Variants in THUMPD1 observed in about 807,000 individuals in gnomAD.
The protein encoded by THUMPD1 is THUMP domain 1 NAT10 acetyltransferase adaptor, also known as THUMP domain-containing protein 1.
A neutral mutation model predicts 31.6 loss-of-function variants in THUMPD1; 31 were observed. That is an observed-to-expected ratio of 0.98 (90% CI 0.74 to 1.32). The LOEUF (loss-of-function observed/expected upper bound fraction) is 1.32, where lower values mean the gene tolerates loss of function less well. Ranked by LOEUF, THUMPD1 falls within the 40% of genes most tolerant of loss-of-function variation. The probability of loss-of-function intolerance (pLI) is 0.00; values close to 1 mark genes in which losing one functional copy is unlikely to be tolerated. For missense variants in THUMPD1, 446 were observed against 427.8 expected, an observed-to-expected ratio of 1.04 and a Z score of -0.38; for synonymous variants, 166 against 158.2, an observed-to-expected ratio of 1.05 and a Z score of -0.37.
Position 20,734,449 on chromosome 16 carries a change from T to G in THUMPD1, c.*2431A>C, listed in dbSNP as rs1381616689. ...GAAGGAAGGTCCTGCCTATTCTCTT[T>G]GCCCCTCTCAAATCATTCTAGTCTG... On this transcript the variant is annotated 3_prime_UTR_variant, in exon 4 of 4. Coordinates refer to ENST00000396083, the MANE Select transcript of THUMPD1 (RefSeq NM_017736.5). 6.6e-6 allele frequency: 1 copy of G among 152,534 alleles called. No homozygotes were observed. The highest frequency in any genetic ancestry group is 1.5e-5 in the Non-Finnish European group (1 of 68,030). The allele number at this position is 152,534 out of a possible 1,614,324, so 9.4% of individuals were successfully genotyped here. A position where few individuals can be genotyped will look rare whatever the true frequency, so the allele number is the denominator to read the frequency against.
Position 20,735,643 on chromosome 16 carries a change from T to C in THUMPD1, c.*1237A>G, listed in dbSNP as rs1056029995. 2.6e-5 allele frequency: 4 copies of C among 152,172 alleles called. No individual in the cohort carries two copies. Among genetic ancestry groups the C allele is most frequent in the African/African-American group, 4.8e-5 (2 of 41,448 alleles). 9.4% of individuals were successfully genotyped at this position (152,172 alleles called of 1,614,324 possible). ...AGATATGATGTCACAACATTATATATTGGCCTTTGTTCTGGCAGGCTCCTA... is the reference window on the plus strand; with the variant it reads ...AGATATGATGTCACAACATTATATACTGGCCTTTGTTCTGGCAGGCTCCTA... On this transcript the variant is annotated 3_prime_UTR_variant, in exon 4 of 4. Transcript: ENST00000396083.
chr16:20,740,725 T>C (rs1056426270), intron 1 of THUMPD1, among the ~76,000 whole-genome samples: 2 of 152,230 alleles, frequency 1.3e-5, no homozygotes, highest in Admixed American at 6.5e-5. Context: ...CGTGTGTGTA[T>C]TGGTCCAGAT....
chr16:20,741,481 G>GGGGGGGCCCCCCCC, intron 1 of THUMPD1, 28 bp downstream of exon 1: 2 of 1,308,414 alleles, frequency 1.5e-6, no homozygotes, highest in South Asian at 1.8e-5. Context: ...CTGGCAGCCG[G>GGGGGGGCCCCCCCC]CCCGCCCGCC....
In THUMPD1 at chr16:20,737,699, G is replaced by T. The variant is rs574505711; in HGVS notation, c.655+9C>A. The T allele has an allele frequency of 1.1e-4, 174 of 1,597,112 alleles. 2 individuals carry two copies. In the South Asian group the frequency reaches 1.9e-3, roughly 17 times the overall value. On this transcript the variant is annotated intron_variant, in intron 3 of 3. Transcript: ENST00000396083. ...GAATGCCTATGGAAAATCACTAAGA[G>T]AAACATACCTGCCAATTCTCTGATA...
chr16:20,740,520 A>C (rs1213342408), intron 1 of THUMPD1, among the ~76,000 whole-genome samples: 1 of 152,262 alleles, frequency 6.6e-6, no homozygotes, highest in Non-Finnish European at 1.5e-5. Flanking sequence ...ATACATTTAC[A>C]GAAACTTTAT....
intron 1 of THUMPD1, 28 bp downstream of exon 1, chr16:20,741,481 G>GGGGGGGGGGCGCCCCCCCCCCCC: frequency 2.3e-6 from 3 of 1,308,412 alleles, no homozygotes; most frequent in Non-Finnish European, 2.0e-6. Context: ...CTGGCAGCCG[G>GGGGGGGGGGCGCCCCCCCCCCCC]CCCGCCCGCC....
chr16:20,741,358 T>C, intron 1 of THUMPD1, 151 bp downstream of exon 1: 1 of 961,050 alleles, frequency 1.0e-6, no homozygotes, highest in Non-Finnish European at 1.5e-6. Context: ...GTCTCAGGAC[T>C]AGGGACGGAA....
intron 1 of THUMPD1, among the ~76,000 whole-genome samples, chr16:20,740,471 T>A (rs770701585): frequency 2.0e-4 from 31 of 152,258 alleles, no homozygotes; most frequent in Non-Finnish European, 3.5e-4. Context: ...TGCCCCCTAG[T>A]GCCCAACGAA....
At position 20,737,182 on chromosome 16, in the gene THUMPD1, T is replaced by C. The variant is rs2079877662; in HGVS notation, c.760A>G (p.Lys254Glu). The C allele has an allele frequency of 1.2e-6, 2 of 1,614,170 alleles. No individual in the cohort carries two copies. The highest frequency in any genetic ancestry group is 1.7e-6 in the Non-Finnish European group (2 of 1,180,028). Residue 254 changes from lysine (K) to glutamate (E), a missense_variant, in exon 4 of 4, where the codon AAA (lysine) becomes GAA (glutamate). By Grantham distance (56) the Lys-to-Glu change is moderately conservative (BLOSUM62 1). Coordinates refer to ENST00000396083, the MANE Select transcript of THUMPD1 (RefSeq NM_017736.5). ...TATTTTCTAAACAACATGTAATCTT[T>C]CACAACACTCAGGCAACAGACAGCT... ...IKAVCCLSVV[K>E]DYMLFRKYNL...
At position 20,734,274 on chromosome 16, in the gene THUMPD1, G is replaced by C. The variant is rs937927768; in HGVS notation, c.*2606C>G. ...CCTTTTGTCTTGCACTATCAAAATA[G>C]AATCTTTGTCTTGGAGCAAGTCTGC... On this transcript the variant is annotated 3_prime_UTR_variant, in exon 4 of 4. Transcript: ENST00000396083. 2 of 152,586 alleles carry C rather than the reference G, an allele frequency of 1.3e-5. No individual in the cohort carries two copies. Among genetic ancestry groups the C allele is most frequent in the African/African-American group, 4.8e-5 (2 of 41,434 alleles). 9.5% of individuals were successfully genotyped at this position (152,586 alleles called of 1,614,324 possible).
At chr16:20,739,172 A>C in intron 1 of THUMPD1, 101 bp from the exon 2 acceptor site, 1 of 1,136,448 alleles carries the variant, frequency 8.8e-7, no homozygotes, top group Admixed American at 3.2e-5. Context: ...GTGGCTCAGT[A>C]TTGATTTTTT....
chr16:20,741,477 G>GCCGGGGGGGGGGGGCCCCCCCCCCCCCCC, intron 1 of THUMPD1, 32 bp downstream of exon 1: 1 of 1,378,122 alleles, frequency 7.3e-7, no homozygotes, highest in Non-Finnish European at 9.6e-7. Flanking sequence ...AGGCCTGGCA[G>GCCGGGGGGGGGGGGCCCCCCCCCCCCCCC]CCGGCCCGCC....
chr16:20,741,481 G>GGCCCCCCCCCCC lies in THUMPD1; in HGVS notation c.231+27_231+28insGGGGGGGGGGGC. The GGCCCCCCCCCCC allele has an allele frequency of 8.4e-6, 11 of 1,308,406 alleles. 1 individual carries two copies. The highest frequency in any genetic ancestry group is 3.6e-5 in the South Asian group (2 of 56,248). 81.0% of individuals were successfully genotyped at this position (1,308,406 alleles called of 1,614,324 possible). A position where few individuals can be genotyped will look rare whatever the true frequency, so the allele number is the denominator to read the frequency against. ...CTCCTCCCGCAAGGCCTGGCAGCCG[G>GGCCCCCCCCCCC]CCCGCCCGCCCACCCCGGGACCGGT... On this transcript the variant is annotated intron_variant, in intron 1 of 3. Coordinates refer to ENST00000396083, the MANE Select transcript of THUMPD1 (RefSeq NM_017736.5).
intron 1 of THUMPD1, 30 bp downstream of exon 1, chr16:20,741,479 C>CCGGGG: frequency 3.0e-6 from 4 of 1,329,522 alleles, no homozygotes; most frequent in South Asian, 1.7e-5. Flanking sequence ...GCCTGGCAGC[C>CCGGGG]GGCCCGCCCG....
intron 1 of THUMPD1, 33 bp from the exon 2 acceptor site, chr16:20,739,104 A>C: frequency 6.2e-7 from 1 of 1,605,770 alleles, no homozygotes; most frequent in Non-Finnish European, 8.5e-7. Context: ...CAGAAATGAC[A>C]CAACAGCTCA....
rs1324090579 is a variant in THUMPD1, at chr16:20,737,001, T to G, written c.941A>C (p.Glu314Ala). ...KNNQQVPENTEELGQTKPTSN... is the reference protein window; with the variant it reads ...KNNQQVPENTAELGQTKPTSN... ...CGTTGGTTTTGTCTGCCCCAGCTCC[T>G]CAGTATTCTCTGGTACCTGCTGGTT... The change falls in exon 4 of 4, where the codon GAG (glutamate) becomes GCG (alanine). Residue 314 changes from glutamate (E) to alanine (A), a missense_variant. Physicochemically the swap from Glu to Ala is moderately radical, Grantham distance 107 (BLOSUM62 -1). Transcript: ENST00000396083. 1 of 1,614,170 alleles carries G rather than the reference T, an allele frequency of 6.2e-7. No individual in the cohort carries two copies. Among genetic ancestry groups the G allele is most frequent in the African/African-American group, 1.3e-5 (1 of 75,040 alleles).
intron 1 of THUMPD1, 48 bp downstream of exon 1, chr16:20,741,461 C>G (rs1230637373): frequency 6.8e-7 from 1 of 1,475,028 alleles, no homozygotes; most frequent in African/African-American, 1.4e-5. Flanking sequence ...CTTCCCTCCT[C>G]CCGCAAGGCC....
chr16:20,738,603 C>T, intron 2 of THUMPD1: 2 of 347,956 alleles, frequency 5.7e-6, no homozygotes, highest in Middle Eastern at 1.7e-3. Flanking sequence ...AGAGCAACAA[C>T]TGGCTGGAGC....
At chr16:20,741,402 G>T in intron 1 of THUMPD1, 107 bp downstream of exon 1, 1 of 1,371,844 alleles carries the variant, frequency 7.3e-7, no homozygotes, top group Non-Finnish European at 9.7e-7. Flanking sequence ...CAGCCGTCAC[G>T]CCGACGACCC....
Sources: allele counts gnomAD v4.1 joint callset (sites outside exome capture counted in the v4.1 genomes callset), GRCh38; gene constraint gnomAD v4.1.1; transcripts MANE v1.5; gene names NCBI Gene and HGNC (gene_info 2026-07-23, HGNC 2026-07-21).